THSD4: variants seen among roughly 807,000 people sequenced by gnomAD.
THSD4 encodes thrombospondin type 1 domain containing 4.
In THSD4, 69 loss-of-function variants were observed where a neutral mutation model predicts 119.0. That is an observed-to-expected ratio of 0.58 (90% CI 0.48 to 0.71). The LOEUF (loss-of-function observed/expected upper bound fraction) is 0.71, where lower values mean the gene tolerates loss of function less well. THSD4 is among the 30% of genes least tolerant of loss of function. The pLI, the probability that THSD4 is intolerant of heterozygous loss-of-function variation, is 0.00. For missense variants in THSD4, 1,393 were observed against 1,391.1 expected, an observed-to-expected ratio of 1.00 and a Z score of -0.02; for synonymous variants, 524 against 540.4, an observed-to-expected ratio of 0.97 and a Z score of 0.42.
At chr15:71,302,907 A>G (rs914778864) in intron 6 of THSD4, among the ~76,000 whole-genome samples, 1 of 151,990 alleles carries the variant, frequency 6.6e-6, no homozygotes, top group Non-Finnish European at 1.5e-5. Context: ...AGGGCCCAGG[A>G]GGGTCTTGCA....
At chr15:71,198,280 G>C (rs2043737101) in intron 3 of THSD4, among the ~76,000 whole-genome samples, 1 of 151,844 alleles carries the variant, frequency 6.6e-6, no homozygotes. Context: ...AGAAAAAAAG[G>C]GCTGGAGAAT....
At chr15:71,652,251 GTGGTTT>G (rs2051105710) in intron 7 of THSD4, among the ~76,000 whole-genome samples, 1 of 152,056 alleles carries the variant, frequency 6.6e-6, no homozygotes, top group South Asian at 2.1e-4. Flanking sequence ...CCCATCCCAC[GTGGTTT>G]TTTCCTGCTG....
chr15:71,510,156 A>G (rs1003947194), intron 7 of THSD4, among the ~76,000 whole-genome samples: 4 of 152,224 alleles, frequency 2.6e-5, no homozygotes, highest in Non-Finnish European at 4.4e-5. Flanking sequence ...GCATTGATAG[A>G]ACACCCAATG....
intron 6 of THSD4, among the ~76,000 whole-genome samples, chr15:71,365,088 TACTC>T (rs1045387445): frequency 4.0e-5 from 6 of 148,398 alleles, no homozygotes; most frequent in Admixed American, 2.1e-4. Context: ...TTGGAAATGA[TACTC>T]ACTTGTAGTT....
At chr15:71,724,296 TTC>T (rs200706418) in intron 8 of THSD4, among the ~76,000 whole-genome samples, 3,355 of 89,262 alleles carry the variant, frequency 0.038, 209 homozygotes, top group African/African-American at 0.078. Flanking sequence ...TATTTTTTTT[TTC>T]CCCCCAAGAT....
rs183272343 is a variant in THSD4 at position 71,166,231 on chromosome 15, C to T, written c.99+11299C>T. 2.1e-3 allele frequency among the ~76,000 whole-genome samples: 323 copies of T among 152,124 alleles called. 1 individual carries two copies. The highest frequency in any genetic ancestry group is 0.014 in the South Asian group (65 of 4,802). ...TTAGGCCTAGGCTCTGGGCAGCTGGCGTATTGGTGCTGTAGACTCCCTTAT... is the reference window on the plus strand; with the variant it reads ...TTAGGCCTAGGCTCTGGGCAGCTGGTGTATTGGTGCTGTAGACTCCCTTAT... On this transcript the variant is annotated intron_variant, in intron 3 of 17. Coordinates refer to ENST00000261862, the MANE Select transcript of THSD4 (RefSeq NM_024817.3).
chr15:71,292,486 G>T (rs192150422), intron 6 of THSD4, among the ~76,000 whole-genome samples: 24 of 151,290 alleles, frequency 1.6e-4, no homozygotes, highest in African/African-American at 5.1e-4. Flanking sequence ...TTTATTTTTG[G>T]TTCTCCTTTC....
chr15:71,377,867 AACACACACACAC>A (rs376497737), intron 6 of THSD4, among the ~76,000 whole-genome samples: 18 of 86,336 alleles, frequency 2.1e-4, no homozygotes, highest in African/African-American at 3.9e-4. Flanking sequence ...ACATATCCAC[AACACACACACAC>A]ACACACACAC....
intron 4 of THSD4, among the ~76,000 whole-genome samples, chr15:71,224,799 C>A (rs1361769509): frequency 6.6e-6 from 1 of 152,168 alleles, no homozygotes; most frequent in Non-Finnish European, 1.5e-5. Flanking sequence ...CGTTCTCTGA[C>A]TCTTATCCTC....
chr15:71,725,273 G>T lies in THSD4; in HGVS notation c.1358-3276G>T, dbSNP rs1379332759. Among the ~76,000 whole-genome samples the T allele has an allele frequency of 4.7e-5, 7 of 149,558 alleles. No individual in the cohort carries two copies. The South Asian group carries it at 8.9e-4, about 19-fold the overall frequency. ...ACTGAGATAAGAAACACTGAGGCCG[G>T]GGTTGGGTTCAGCCTTAGACAAGAC... On this transcript the variant is annotated intron_variant, in intron 8 of 17. Coordinates refer to ENST00000261862, the MANE Select transcript of THSD4 (RefSeq NM_024817.3).
At chr15:71,177,944 C>T (rs371327737) in intron 3 of THSD4, among the ~76,000 whole-genome samples, 2 of 128,852 alleles carry the variant, frequency 1.6e-5, no homozygotes, top group Admixed American at 8.4e-5. Context: ...CAACAACCCT[C>T]CATGCTAAAA....
chr15:71,534,946 G>A (rs2048668853), intron 7 of THSD4, among the ~76,000 whole-genome samples: 1 of 152,074 alleles, frequency 6.6e-6, no homozygotes, highest in Admixed American at 6.5e-5. Context: ...GTGACAGAGC[G>A]AGACTCCGTC....
intron 6 of THSD4, among the ~76,000 whole-genome samples, chr15:71,389,214 T>G (rs1049045380): frequency 6.6e-6 from 1 of 152,182 alleles, no homozygotes; most frequent in African/African-American, 2.4e-5. Flanking sequence ...CACATTGTTG[T>G]GCAACAAATC....
At chr15:71,357,985 G>C (rs1202060913) in intron 6 of THSD4, among the ~76,000 whole-genome samples, 1 of 152,200 alleles carries the variant, frequency 6.6e-6, no homozygotes, top group African/African-American at 2.4e-5. Flanking sequence ...TTTGCTGTCT[G>C]TGAAGACTGT....
At chr15:71,308,074 A>G (rs1399295471) in intron 6 of THSD4, among the ~76,000 whole-genome samples, 3 of 152,080 alleles carry the variant, frequency 2.0e-5, no homozygotes, top group African/African-American at 2.4e-5. Flanking sequence ...GTTTCTCCCA[A>G]CCCAACCTCC....
At chr15:71,375,627 T>C (rs1277609808) in intron 6 of THSD4, among the ~76,000 whole-genome samples, 3 of 152,190 alleles carry the variant, frequency 2.0e-5, no homozygotes, top group African/African-American at 7.2e-5. Flanking sequence ...AGGGGTCATT[T>C]GAAGCCCAGG....
chr15:71,723,067 G>A (rs527665737), intron 8 of THSD4, among the ~76,000 whole-genome samples: 66 of 78,546 alleles, frequency 8.4e-4, no homozygotes, highest in Non-Finnish European at 1.4e-3. Context: ...TGGACATTTA[G>A]GCTAGTTTTT....
chr15:71,386,574 A>G (rs1014978359), intron 6 of THSD4, among the ~76,000 whole-genome samples: 1 of 152,264 alleles, frequency 6.6e-6, no homozygotes, highest in African/African-American at 2.4e-5. Context: ...ACATAAATTT[A>G]TAGAAAAATA....
chr15:71,724,849 A>AT (rs2052804938), intron 8 of THSD4, among the ~76,000 whole-genome samples: 1 of 147,222 alleles, frequency 6.8e-6, no homozygotes, highest in Admixed American at 6.8e-5. Context: ...ATCCAGGATG[A>AT]TTCCTGGGTT....
Sources: allele counts gnomAD v4.1 joint callset (sites outside exome capture counted in the v4.1 genomes callset), GRCh38; gene constraint gnomAD v4.1.1; transcripts MANE v1.5; gene names NCBI Gene and HGNC (gene_info 2026-07-23, HGNC 2026-07-21).